CACNA1G: variants seen among roughly 807,000 people sequenced by gnomAD.
CACNA1G encodes the protein calcium voltage-gated channel subunit alpha1 G.
A neutral mutation model predicts 219.4 loss-of-function variants in CACNA1G; 67 were observed. The observed-to-expected ratio is 0.31, with a 90% CI of 0.25 to 0.37. The LOEUF (loss-of-function observed/expected upper bound fraction) is 0.37, where lower values mean the gene tolerates loss of function less well. CACNA1G is among the 10% of genes least tolerant of loss of function. The pLI is 1.00. For synonymous variants in CACNA1G, 1,296 were observed against 1,345.3 expected, an observed-to-expected ratio of 0.96 and a Z score of 0.80; for missense variants, 2,380 against 3,231.4, an observed-to-expected ratio of 0.74 and a Z score of 6.39.
In CACNA1G at chr17:50,572,051, A is replaced by C. The variant is rs756905110; in HGVS notation, c.746+14A>C. On this transcript the variant is annotated intron_variant, in intron 5 of 37. Transcript: ENST00000359106. Reference sequence around the variant, plus strand: ...GAATTTCAGCCTGTGAGTGGTGGACAGGGTCCAGGGAGGACCTGGGAGTGG... The same window carrying C: ...GAATTTCAGCCTGTGAGTGGTGGACCGGGTCCAGGGAGGACCTGGGAGTGG... The C allele has an allele frequency of 1.2e-6, 2 of 1,612,548 alleles. No homozygotes were observed. Among genetic ancestry groups the C allele is most frequent in the Non-Finnish European group, 1.7e-6 (2 of 1,178,908 alleles).
intron 9 of CACNA1G, among the ~76,000 whole-genome samples, chr17:50,581,344 G>C (rs1171375567): frequency 6.6e-6 from 1 of 152,012 alleles, no homozygotes; most frequent in Non-Finnish European, 1.5e-5. Context: ...CGGCTTCCCT[G>C]CGGTGCCCTT....
intron 22 of CACNA1G, among the ~76,000 whole-genome samples, chr17:50,605,661 C>T (rs1023644805): frequency 2.6e-5 from 4 of 152,194 alleles, no homozygotes; most frequent in Non-Finnish European, 5.9e-5. Context: ...GACTGTTACC[C>T]GCCTCCACCC....
rs779428983 is a variant in CACNA1G at position 50,619,832 on chromosome 17, T to C, written c.5925+6T>C. 3 of 1,599,468 alleles carry C rather than the reference T, an allele frequency of 1.9e-6. No individual in the cohort carries two copies. Among genetic ancestry groups the C allele is most frequent in the Non-Finnish European group, 2.6e-6 (3 of 1,175,742 alleles). Reference sequence around the variant, plus strand: ...TGGGAGGCTCCGACCCACAGGTTACTGTGCCCCTGTGCTGTGCCCTCTCCC... The same window carrying C: ...TGGGAGGCTCCGACCCACAGGTTACCGTGCCCCTGTGCTGTGCCCTCTCCC... On this transcript the variant is annotated splice_donor_region_variant and intron_variant, in intron 34 of 37. Coordinates refer to ENST00000359106, the MANE Select transcript of CACNA1G (RefSeq NM_018896.5).
At position 50,626,036 on chromosome 17, in the gene CACNA1G, C is replaced by T; in HGVS notation, c.6419C>T (p.Ser2140Phe). 2.5e-6 allele frequency: 4 copies of T among 1,611,848 alleles called. No individual in the cohort carries two copies. Among genetic ancestry groups the T allele is most frequent in the Non-Finnish European group, 3.4e-6 (4 of 1,178,718 alleles). ...LRRQAAIRTD[S>F]LDVQGLGSRE... is the part of the protein sequence containing the mutation. The stretch of plus-strand genomic sequence containing the variant: ...ATATAGGCAGCAATAAGGACTGACT[C>T]CTTGGACGTTCAGGGTCTGGGCAGC... The change falls in exon 38 of 38, where the codon TCC becomes TTC. Residue 2140 changes from serine to phenylalanine, a missense_variant. Physicochemically the swap from Ser to Phe is radical, Grantham distance 155. Coordinates refer to ENST00000359106, the MANE Select transcript of CACNA1G (RefSeq NM_018896.5). The surrounding 1 kb of genome is among the most constrained non-coding windows in gnomAD (Gnocchi z 4.3).
intron 12 of CACNA1G, 30 bp from the exon 13 acceptor site, chr17:50,591,907 T>G: frequency 6.2e-7 from 1 of 1,613,948 alleles, no homozygotes; most frequent in Non-Finnish European, 8.5e-7. Flanking sequence ...GCCCCTAGTA[T>G]AGGCCCTGAT....
intron 1 of CACNA1G, among the ~76,000 whole-genome samples, chr17:50,567,636 T>A (rs2038260178): frequency 6.6e-6 from 1 of 152,136 alleles, no homozygotes; most frequent in Non-Finnish European, 1.5e-5. Context: ...CCCATCCCCA[T>A]TCCCCAGGGG....
Position 50,618,451 on chromosome 17 carries a change from C to T in CACNA1G, c.5427+108C>T, listed in dbSNP as rs954369944. 1.0e-5 allele frequency: 15 copies of T among 1,448,546 alleles called. No homozygotes were observed. Among genetic ancestry groups the T allele is most frequent in the Non-Finnish European group, 1.4e-5 (15 of 1,049,682 alleles). 89.7% of individuals were successfully genotyped at this position (1,448,546 alleles called of 1,614,324 possible). ...CAAATAAAAGCATGTGACCTTCTCT[C>T]CCCCGTGCTAGAACACTCTGGAACT... On this transcript the variant is annotated intron_variant, in intron 32 of 37. Transcript: ENST00000359106. This position sits in a 1 kb window ranked among gnomAD's most constrained non-coding sequence, Gnocchi z 5.3.
chr17:50,621,513 G>A lies in CACNA1G; in HGVS notation c.5926-147G>A, dbSNP rs1481717372. The A allele has an allele frequency of 1.7e-5, 14 of 810,164 alleles. No individual in the cohort carries two copies. The highest frequency in any genetic ancestry group is 2.8e-5 in the Non-Finnish European group (14 of 508,902). The allele number at this position is 810,164 out of a possible 1,614,324, so 50.2% of individuals were successfully genotyped here. On this transcript the variant is annotated intron_variant, in intron 34 of 37. Transcript: ENST00000359106. This position sits in a 1 kb window ranked among gnomAD's most constrained non-coding sequence, Gnocchi z 4.6. The stretch of plus-strand genomic sequence containing the variant: ...TGTCAGCTTGTTTGGGGAAAGGGTG[G>A]GGAGAGAGAAGGGATGCCTTTTTCC...
intron 26 of CACNA1G, among the ~76,000 whole-genome samples, chr17:50,613,127 C>T (rs2049607850): frequency 6.6e-6 from 1 of 152,200 alleles, no homozygotes; most frequent in Non-Finnish European, 1.5e-5. Flanking sequence ...TGGCAACTGG[C>T]GAGGGACTCG....
chr17:50,591,353 T>G lies in CACNA1G; in HGVS notation c.2454-82T>G, dbSNP rs900315472. On this transcript the variant is annotated intron_variant, in intron 10 of 37. Transcript: ENST00000359106. The stretch of plus-strand genomic sequence containing the variant: ...CGACGTGCCCACCCAGCCAGGCCCT[T>G]GGGTGCTACTGAGTCCTCTCCGAGG... 9.6e-6 allele frequency: 13 copies of G among 1,351,950 alleles called. No homozygotes were observed. The Admixed American group carries it at 3.4e-4, about 36-fold the overall frequency. The allele number at this position is 1,351,950 out of a possible 1,614,324, so 83.7% of individuals were successfully genotyped here.
chr17:50,600,186 TC>T lies in CACNA1G; in HGVS notation c.3690+332del, dbSNP rs1267913102. Among the ~76,000 whole-genome samples, 1 of 152,036 alleles carries T rather than the reference TC, an allele frequency of 6.6e-6. No individual in the cohort carries two copies. Among genetic ancestry groups the T allele is most frequent in the African/African-American group, 2.4e-5 (1 of 41,378 alleles). ...CATCTCTCCAAACTGATGCCCCGCA[TC>T]CCCCTTTCTCGTCTCAACCTCATCA... is the stretch of plus-strand genomic sequence containing the variant. On this transcript the variant is annotated intron_variant, in intron 17 of 37. Transcript: ENST00000359106. This position sits in a 1 kb window ranked among gnomAD's most constrained non-coding sequence, Gnocchi z 4.1.
rs902720436 is a variant in CACNA1G, at chr17:50,627,391, T to C, written c.*640T>C. ...AAAAAATGAGATTTTACAAGTGAAA[T>C]GGAACCTTTTTATATATACATACAT... On this transcript the variant is annotated 3_prime_UTR_variant, in exon 38 of 38. Transcript: ENST00000359106. 2.6e-5 allele frequency: 10 copies of C among 381,392 alleles called. No homozygotes were observed. Among genetic ancestry groups the C allele is most frequent in the Non-Finnish European group, 5.0e-6 (1 of 198,380 alleles). The allele number at this position is 381,392 out of a possible 1,614,324, so 23.6% of individuals were successfully genotyped here.
intron 16 of CACNA1G, among the ~76,000 whole-genome samples, chr17:50,598,791 G>A (rs1041269162): frequency 2.0e-5 from 3 of 152,210 alleles, no homozygotes; most frequent in East Asian, 1.9e-4. Context: ...AGGCTGGAGC[G>A]CAACAGTTCA....
In CACNA1G at chr17:50,572,660, G is replaced by A. The variant is rs1335556091; in HGVS notation, c.853G>A (p.Val285Met). 1 of 1,608,006 alleles carries A rather than the reference G, an allele frequency of 6.2e-7. No homozygotes were observed. The highest frequency in any genetic ancestry group is 8.5e-7 in the Non-Finnish European group (1 of 1,177,264). The change falls in exon 6 of 38, where the codon GTG (valine) becomes ATG (methionine). Residue 285 changes from valine (V) to methionine (M), a missense_variant. Coordinates refer to ENST00000359106, the MANE Select transcript of CACNA1G (RefSeq NM_018896.5). ...GAACGGCATGCGGTCCTGCAGAAGC[G>A]TGCCCACGCTGCGCGGGGACGGGGG... is the stretch of plus-strand genomic sequence containing the variant. ...RENGMRSCRS[V>M]PTLRGDGGGG...
rs571154962 is a variant in CACNA1G, at chr17:50,589,673, C to T, written c.2302-798C>T. On this transcript the variant is annotated intron_variant, in intron 9 of 37. Coordinates refer to ENST00000359106, the MANE Select transcript of CACNA1G (RefSeq NM_018896.5). ...CCCAGTCCCAGACTCGGGTAGGGAG[C>T]ATGAAAGGAATTACCTCTGGTGTTT... is the stretch of plus-strand genomic sequence containing the variant. Among the ~76,000 whole-genome samples the T allele has an allele frequency of 2.0e-5, 3 of 152,200 alleles. No homozygotes were observed. The South Asian group carries it at 6.2e-4, about 32-fold the overall frequency.
intron 26 of CACNA1G, among the ~76,000 whole-genome samples, 172 bp from the exon 27 acceptor site, chr17:50,615,189 C>T (rs573631481): frequency 4.6e-5 from 7 of 152,172 alleles, no homozygotes; most frequent in Admixed American, 2.6e-4. Context: ...GAGGGGGACA[C>T]GCCCAGACGG....
In CACNA1G at chr17:50,597,003, G is replaced by A. The variant is rs60981260; in HGVS notation, c.3258+80G>A. The A allele has an allele frequency of 7.6e-6, 10 of 1,316,078 alleles. No individual in the cohort carries two copies. In the African/African-American group the frequency reaches 1.0e-4, roughly 14 times the overall value. The allele number at this position is 1,316,078 out of a possible 1,614,324, so 81.5% of individuals were successfully genotyped here. A position where few individuals can be genotyped will look rare whatever the true frequency, so the allele number is the denominator to read the frequency against. ...AGGAAGAGAGGATGGAGGCAGGCGG[G>A]TCCAAGGGCACAGCCCCTGCCCCAT... is the stretch of plus-strand genomic sequence containing the variant. On this transcript the variant is annotated intron_variant, in intron 16 of 37. Coordinates refer to ENST00000359106, the MANE Select transcript of CACNA1G (RefSeq NM_018896.5).
rs775781360 is a variant in CACNA1G, at chr17:50,578,420, T to G, written c.2157T>G (p.Asp719Glu). Reference sequence around the variant, plus strand: ...GGCGGCAACGGAGCCTGGGCCCAGATGCAGAGCCCAGCTCTGTGCTGGCCT... The same window carrying G: ...GGCGGCAACGGAGCCTGGGCCCAGAGGCAGAGCCCAGCTCTGTGCTGGCCT... Reference protein sequence around the residue: ...HSRRQRSLGPDAEPSSVLAFW... With the variant: ...HSRRQRSLGPEAEPSSVLAFW... The change falls in exon 9 of 38, where the codon GAT becomes GAG. Residue 719 changes from aspartate (D) to glutamate (E), a missense_variant. By Grantham distance (45) the Asp-to-Glu change is conservative. This residue lies in a region of CACNA1G where 434 missense variants were observed against 417.3 expected (regional missense o/e 1.04). Coordinates refer to ENST00000359106, the MANE Select transcript of CACNA1G (RefSeq NM_018896.5). This position sits in a 1 kb window ranked among gnomAD's most constrained non-coding sequence, Gnocchi z 4.5. 3.2e-5 allele frequency: 51 copies of G among 1,613,112 alleles called. No individual in the cohort carries two copies. Among genetic ancestry groups the G allele is most frequent in the Non-Finnish European group, 4.0e-5 (47 of 1,179,730 alleles).
intron 21 of CACNA1G, 74 bp from the exon 22 acceptor site, chr17:50,604,081 G>A: frequency 6.7e-7 from 1 of 1,482,186 alleles, no homozygotes; most frequent in South Asian, 1.4e-5. Context: ...GTTGGGGGTG[G>A]GGAGCAGGGT....
Sources: allele counts gnomAD v4.1 joint callset (sites outside exome capture counted in the v4.1 genomes callset), GRCh38; gene constraint gnomAD v4.1.1; regional missense constraint gnomAD v4.1.1; non-coding constraint Gnocchi (gnomAD v3.1); transcripts MANE v1.5; gene names NCBI Gene and HGNC (gene_info 2026-07-23, HGNC 2026-07-21).